The following OBI1 variants were observed in gnomAD, a reference collection of about 807,000 sequenced individuals.
OBI1 encodes ORC ubiquitin ligase 1.
In OBI1, 59 loss-of-function variants were observed where a neutral mutation model predicts 62.4. The observed-to-expected ratio is 0.95, with a 90% confidence interval of 0.77 to 1.17. The LOEUF (loss-of-function observed/expected upper bound fraction) is 1.17, where lower values mean the gene tolerates loss of function less well. Ranked by LOEUF, OBI1 falls within the 50% of genes most tolerant of loss-of-function variation. The pLI is 0.00. For missense variants in OBI1, 875 were observed against 830.9 expected (o/e 1.05, Z -0.65); for synonymous variants, 302 against 292.8 (o/e 1.03, Z -0.32).
At chr13:78,620,622 G>A (rs1374200735) in intron 5 of OBI1, 2 of 452,010 alleles carry the variant, frequency 4.4e-6, no homozygotes, top group African/African-American at 4.1e-5. Flanking sequence ...GGATGAGAGA[G>A]AAAAGGATGC....
intron 5 of OBI1, among the ~76,000 whole-genome samples, chr13:78,625,593 T>C (rs141886506): frequency 1.5e-3 from 230 of 152,340 alleles, no homozygotes; most frequent in African/African-American, 5.4e-3. Flanking sequence ...TAGCATGCAC[T>C]GCCGCCTCCC....
intron 1 of OBI1, among the ~76,000 whole-genome samples, chr13:78,653,881 C>T (rs963846775): frequency 6.6e-6 from 1 of 152,080 alleles, no homozygotes; most frequent in Non-Finnish European, 1.5e-5. Context: ...AAGGATTAGT[C>T]TTCAGTGTAA....
chr13:78,622,737 G>C (rs1398354443), intron 5 of OBI1, among the ~76,000 whole-genome samples: 1 of 152,164 alleles, frequency 6.6e-6, no homozygotes, highest in East Asian at 1.9e-4. Context: ...TAATAAGTGA[G>C]TAGCCTTAAC....
intron 5 of OBI1, among the ~76,000 whole-genome samples, chr13:78,620,840 A>G (rs1875486189): frequency 6.6e-6 from 1 of 152,234 alleles, no homozygotes; most frequent in South Asian, 2.1e-4. Flanking sequence ...AAATGTGGTA[A>G]AAGAATACCA....
At chr13:78,617,339 A>G (rs1566274722) in intron 5 of OBI1, 1 of 422,926 alleles carries the variant, frequency 2.4e-6, no homozygotes, top group East Asian at 3.7e-5. Context: ...ACCTAATAGG[A>G]TATTTTTGTG....
At chr13:78,658,959 C>G (rs1239688037) in intron 1 of OBI1, 90 bp downstream of exon 1, 21 of 1,206,076 alleles carry the variant, frequency 1.7e-5, no homozygotes, top group Non-Finnish European at 1.8e-5. Flanking sequence ...GCCTCACGCC[C>G]CTTCCCCGCC....
intron 1 of OBI1, 98 bp from the exon 2 acceptor site, chr13:78,645,095 G>C: frequency 8.3e-7 from 1 of 1,199,450 alleles, no homozygotes; most frequent in Non-Finnish European, 1.2e-6. Flanking sequence ...GATTATAGCA[G>C]AGTAGGAGTT....
intron 4 of OBI1, among the ~76,000 whole-genome samples, chr13:78,635,492 T>G (rs1051800406): frequency 6.6e-6 from 1 of 152,218 alleles, no homozygotes; most frequent in Admixed American, 6.5e-5. Flanking sequence ...GGCAAATGTA[T>G]GTGTGATTTT....
intron 5 of OBI1, among the ~76,000 whole-genome samples, chr13:78,626,343 T>C (rs1316933049): frequency 6.6e-6 from 1 of 152,214 alleles, no homozygotes; most frequent in East Asian, 1.9e-4. Flanking sequence ...TACACACACA[T>C]ATATACGTAT....
intron 2 of OBI1, among the ~76,000 whole-genome samples, 177 bp from the exon 3 acceptor site, chr13:78,642,390 AT>A (rs1222961754): frequency 2.0e-5 from 3 of 152,154 alleles, no homozygotes; most frequent in East Asian, 3.9e-4. Context: ...GGAAAAAAAA[AT>A]ATATCAAATA....
intron 5 of OBI1, 184 bp from the exon 6 acceptor site, chr13:78,617,306 A>G (rs1483840590): frequency 4.1e-6 from 2 of 489,454 alleles, no homozygotes; most frequent in African/African-American, 3.9e-5. Context: ...ACATAATAAT[A>G]AACATATGAT....
chr13:78,627,419 C>T (rs907597396), intron 5 of OBI1, among the ~76,000 whole-genome samples: 2 of 143,660 alleles, frequency 1.4e-5, no homozygotes, highest in Admixed American at 6.7e-5. Flanking sequence ...CTCTAAATTC[C>T]CTCCCCTCAG....
intron 3 of OBI1, among the ~76,000 whole-genome samples, chr13:78,639,323 A>C (rs1405428213): frequency 2.0e-5 from 3 of 152,236 alleles, no homozygotes; most frequent in Non-Finnish European, 2.9e-5. Context: ...ATTTTTAAAA[A>C]TGCCAAATCT....
intron 5 of OBI1, among the ~76,000 whole-genome samples, chr13:78,624,023 T>G (rs1054361195): frequency 9.2e-5 from 14 of 152,212 alleles, no homozygotes; most frequent in African/African-American, 2.9e-4. Context: ...AAATGTGCTA[T>G]GTATAGAAAG....
At chr13:78,626,857 G>A (rs1008697118) in intron 5 of OBI1, among the ~76,000 whole-genome samples, 36 of 152,180 alleles carry the variant, frequency 2.4e-4, no homozygotes, top group Non-Finnish European at 2.4e-4. Context: ...ATGAGGTCAG[G>A]AGATCGAGAC....
chr13:78,620,843 G>C (rs1160659442), intron 5 of OBI1, among the ~76,000 whole-genome samples: 1 of 152,186 alleles, frequency 6.6e-6, no homozygotes, highest in East Asian at 1.9e-4. Flanking sequence ...TGTGGTAAAA[G>C]AATACCACAC....
At chr13:78,658,831 C>T (rs1876791655) in intron 1 of OBI1, among the ~76,000 whole-genome samples, 1 of 152,210 alleles carries the variant, frequency 6.6e-6, no homozygotes, top group South Asian at 2.1e-4. Flanking sequence ...CCACGGGCCG[C>T]TGTCACCCTC....
intron 5 of OBI1, among the ~76,000 whole-genome samples, chr13:78,623,703 TAC>T (rs1875582692): frequency 6.6e-6 from 1 of 152,196 alleles, no homozygotes; most frequent in Non-Finnish European, 1.5e-5. Flanking sequence ...AAAATGTGTA[TAC>T]AGAGTCAATG....
intron 5 of OBI1, among the ~76,000 whole-genome samples, chr13:78,617,966 T>G (rs532988670): frequency 7.2e-5 from 11 of 152,044 alleles, no homozygotes; most frequent in Admixed American, 3.9e-4. Flanking sequence ...CCACCAAGAA[T>G]GAGTACTGTG....
Sources: gnomAD v4.1 joint callset for allele counts (sites outside exome capture counted in the v4.1 genomes callset) on GRCh38, gnomAD v4.1.1 for gene constraint, MANE v1.5 for transcripts, NCBI Gene and HGNC (gene_info 2026-07-23, HGNC 2026-07-21) for gene names.